NUDCD3: variants seen among roughly 807,000 people sequenced by gnomAD.
The protein encoded by NUDCD3 is NudC domain containing 3.
Under a neutral mutation model 39.7 loss-of-function variants are expected in NUDCD3, and 13 were observed. That is an observed-to-expected ratio of 0.33 (90% CI 0.21 to 0.52). The LOEUF is 0.52. Ranked by LOEUF, NUDCD3 falls within the 20% of genes least tolerant of loss-of-function variation. The probability of loss-of-function intolerance (pLI) is 0.96; values close to 1 mark genes in which losing one functional copy is unlikely to be tolerated. For synonymous variants in NUDCD3, 175 were observed against 172.4 expected (o/e 1.02, Z -0.12); for missense variants, 453 against 458.1 (o/e 0.99, Z 0.10).
chr7:44,478,582 C>T (rs942288262), intron 2 of NUDCD3, among the ~76,000 whole-genome samples: 1 of 152,100 alleles, frequency 6.6e-6, no homozygotes, highest in Non-Finnish European at 1.5e-5. Flanking sequence ...TTCCTTTAAG[C>T]CCTGGGGTGG....
At chr7:44,442,003 C>G (rs1030294174) in intron 2 of NUDCD3, among the ~76,000 whole-genome samples, 1 of 152,170 alleles carries the variant, frequency 6.6e-6, no homozygotes, top group Admixed American at 6.5e-5. Flanking sequence ...GGGTTCATAT[C>G]TCCATTTTCA....
chr7:44,454,650 G>A (rs1443904696), intron 2 of NUDCD3, among the ~76,000 whole-genome samples: 1 of 152,148 alleles, frequency 6.6e-6, no homozygotes, highest in Non-Finnish European at 1.5e-5. Context: ...TTTTAGGCTG[G>A]GCACAGTGGC....
intron 2 of NUDCD3, among the ~76,000 whole-genome samples, chr7:44,472,399 A>C (rs1800273292): frequency 6.6e-6 from 1 of 152,260 alleles, no homozygotes; most frequent in Non-Finnish European, 1.5e-5. Flanking sequence ...ACAAAAGAAC[A>C]TAAAGCAAGA....
At position 44,490,647 on chromosome 7, in the gene NUDCD3, G is replaced by C. The variant is rs747151850; in HGVS notation, c.-47C>G. The C allele has an allele frequency of 5.2e-6, 8 of 1,523,924 alleles. No individual in the cohort carries two copies. In the Admixed American group the frequency reaches 1.3e-4, roughly 24 times the overall value. 94.4% of individuals were successfully genotyped at this position (1,523,924 alleles called of 1,614,324 possible). On this transcript the variant is annotated 5_prime_UTR_variant, in exon 1 of 6. Coordinates refer to ENST00000355451, the MANE Select transcript of NUDCD3 (RefSeq NM_015332.4). ...GCTTCACACACACAGCGCCGCCTCA[G>C]ACCTGCCGACTGGCCACTTCCGGCG...
chr7:44,455,833 C>T (rs945924405), intron 2 of NUDCD3, among the ~76,000 whole-genome samples: 13 of 151,094 alleles, frequency 8.6e-5, no homozygotes, highest in South Asian at 6.3e-4. Context: ...GAGACCATCC[C>T]GGCTAAAACG....
At chr7:44,414,670 T>C (rs1048149307) in intron 3 of NUDCD3, among the ~76,000 whole-genome samples, 1 of 152,230 alleles carries the variant, frequency 6.6e-6, no homozygotes, top group Non-Finnish European at 1.5e-5. Context: ...TTTGAACATA[T>C]AAATGTGTTA....
chr7:44,445,148 A>G (rs1389360724), intron 2 of NUDCD3, among the ~76,000 whole-genome samples: 1 of 152,134 alleles, frequency 6.6e-6, no homozygotes, highest in Non-Finnish European at 1.5e-5. Flanking sequence ...CTTACACTCC[A>G]AAGAACACAG....
At chr7:44,420,575 A>G (rs541519895) in intron 3 of NUDCD3, among the ~76,000 whole-genome samples, 1 of 152,348 alleles carries the variant, frequency 6.6e-6, no homozygotes, top group South Asian at 2.1e-4. Context: ...GAAACGAAGG[A>G]AAAAATGTTA....
At chr7:44,404,208 G>A (rs1044228976) in intron 4 of NUDCD3, among the ~76,000 whole-genome samples, 2 of 152,148 alleles carry the variant, frequency 1.3e-5, no homozygotes, top group East Asian at 1.9e-4. Context: ...TGCCTTAGAT[G>A]TAAGAACAGT....
At chr7:44,471,927 C>T (rs926992155) in intron 2 of NUDCD3, 5 of 152,288 alleles carry the variant, frequency 3.3e-5, no homozygotes, top group Admixed American at 3.3e-4. Flanking sequence ...GGTGATCTTA[C>T]CCAGTCTATG....
chr7:44,389,979 TC>T (rs1291944771), intron 5 of NUDCD3, among the ~76,000 whole-genome samples: 16 of 152,132 alleles, frequency 1.1e-4, no homozygotes, highest in Admixed American at 2.6e-4. Context: ...AATATAAAGT[TC>T]TGTAAGAGAT....
At chr7:44,395,670 A>T (rs12154938) in intron 4 of NUDCD3, among the ~76,000 whole-genome samples, 19,566 of 150,534 alleles carry the variant, frequency 0.13, 1,671 homozygotes, top group Non-Finnish European at 0.19. Context: ...GGAATAATAC[A>T]GTTATCTGTT....
At position 44,485,030 on chromosome 7, in the gene NUDCD3, T is replaced by C. The variant is rs1400528571; in HGVS notation, c.447A>G (p.Ala149=). 1.2e-6 allele frequency: 2 copies of C among 1,614,128 alleles called. No individual in the cohort carries two copies. The highest frequency in any genetic ancestry group is 1.3e-5 in the African/African-American group (1 of 74,948). Residue 149 remains alanine, a synonymous_variant, in exon 2 of 6, where the codon GCA becomes GCG. Transcript: ENST00000355451. ...CACCAGCAACTGCTCCTGGAGCTTC[T>C]GCCTCCTGTGAACCATGGGCCATTT... ...VKEMAHGSQE[A]EAPGAVAGAA... is the part of the protein sequence containing the mutation.
chr7:44,394,142 A>C (rs752650057), intron 4 of NUDCD3, among the ~76,000 whole-genome samples: 13 of 152,232 alleles, frequency 8.5e-5, no homozygotes, highest in Admixed American at 3.3e-4. Context: ...AACTGGGAAG[A>C]GCAAGACAAA....
At chr7:44,450,769 C>A (rs993585701) in intron 2 of NUDCD3, among the ~76,000 whole-genome samples, 29 of 152,286 alleles carry the variant, frequency 1.9e-4, no homozygotes, top group African/African-American at 7.0e-4. Flanking sequence ...AATAGCTATT[C>A]TACTCCTAGG....
intron 2 of NUDCD3, among the ~76,000 whole-genome samples, chr7:44,473,329 C>T (rs1467929770): frequency 6.6e-6 from 1 of 152,200 alleles, no homozygotes; most frequent in East Asian, 1.9e-4. Flanking sequence ...TCAGGGCAAA[C>T]CACCCAAAGG....
At chr7:44,475,395 A>G (rs1006855212) in intron 2 of NUDCD3, among the ~76,000 whole-genome samples, 6 of 152,174 alleles carry the variant, frequency 3.9e-5, no homozygotes, top group African/African-American at 1.4e-4. Context: ...GTTCAGCATA[A>G]AAGAAGATAA....
intron 2 of NUDCD3, among the ~76,000 whole-genome samples, chr7:44,440,041 G>A (rs1317224214): frequency 6.6e-6 from 1 of 152,192 alleles, no homozygotes; most frequent in Non-Finnish European, 1.5e-5. Context: ...ATCCTCCTAG[G>A]AAGCAGGATT....
intron 2 of NUDCD3, among the ~76,000 whole-genome samples, chr7:44,459,330 C>G (rs906381109): frequency 1.3e-5 from 2 of 151,768 alleles, no homozygotes; most frequent in African/African-American, 4.8e-5. Flanking sequence ...CCCTGAATAG[C>G]TGGGACTATA....
Sources: allele counts gnomAD v4.1 joint callset (sites outside exome capture counted in the v4.1 genomes callset), GRCh38; gene constraint gnomAD v4.1.1; transcripts MANE v1.5; gene names NCBI Gene and HGNC (gene_info 2026-07-23, HGNC 2026-07-21).